Variants in AK2 observed in about 807,000 individuals in gnomAD.
AK2 encodes the protein adenylate kinase 2, mitochondrial.
Under a neutral mutation model 24.6 loss-of-function variants are expected in AK2, and 15 were observed. That is an observed-to-expected ratio of 0.61 (90% CI 0.41 to 0.94). The LOEUF is 0.94. Among genes scored for constraint, AK2 ranks in the 40% least tolerant of loss-of-function variants. The probability of loss-of-function intolerance (pLI) is 0.00; values close to 1 mark genes in which losing one functional copy is unlikely to be tolerated. For missense variants in AK2, 257 were observed against 304.1 expected (o/e 0.85, Z 1.15); for synonymous variants, 102 against 114.0 (o/e 0.90, Z 0.67).
At chr1:33,020,226 C>A (rs1639450511) in intron 4 of AK2, 1 of 964,422 alleles carries the variant, frequency 1.0e-6, no homozygotes, top group Non-Finnish European at 1.5e-6. Context: ...CACACACACA[C>A]ACAAAGTGGC....
chr1:33,011,514 A>G lies in AK2; in HGVS notation c.*1667T>C. 1 of 1,287,502 alleles carries G rather than the reference A, an allele frequency of 7.8e-7. No individual in the cohort carries two copies. Among genetic ancestry groups the G allele is most frequent in the Non-Finnish European group, 1.0e-6 (1 of 988,870 alleles). The allele number at this position is 1,287,502 out of a possible 1,614,324, so 79.8% of individuals were successfully genotyped here. A position where few individuals can be genotyped will look rare whatever the true frequency, so the allele number is the denominator to read the frequency against. ...TGCCCAGTTGCCATGTGGACAGCAG[A>G]TAAGACCTCTGGTAGTCTCACAGAT... On this transcript the variant is annotated 3_prime_UTR_variant, in exon 6 of 6. Transcript: ENST00000672715.
intron 4 of AK2, among the ~76,000 whole-genome samples, chr1:33,018,943 C>A (rs949280002): frequency 5.3e-5 from 8 of 152,142 alleles, no homozygotes; most frequent in African/African-American, 1.9e-4. Context: ...GTCAAGTCTA[C>A]CCTCTTTGGT....
At position 33,024,577 on chromosome 1, in the gene AK2, G is replaced by C; in HGVS notation, c.94-10C>G. On this transcript the variant is annotated splice_polypyrimidine_tract_variant and intron_variant, in intron 1 of 5. Coordinates refer to ENST00000672715, the MANE Select transcript of AK2 (RefSeq NM_001625.4). ...CAGCCAATCTGGGTGCCTACAGAGA[G>C]GAAGACAAAAACCAAGATTCAATTA... 6.2e-7 allele frequency: 1 copy of C among 1,614,152 alleles called. No individual in the cohort carries two copies. Among genetic ancestry groups the C allele is most frequent in the Admixed American group, 1.7e-5 (1 of 60,020 alleles).
chr1:33,019,570 T>C (rs561865741), intron 4 of AK2: 111 of 964,004 alleles, frequency 1.2e-4, no homozygotes, highest in Non-Finnish European at 1.3e-4. Flanking sequence ...GAAAAGAAAA[T>C]GAATATAAGG....
intron 1 of AK2, 141 bp from the exon 2 acceptor site, chr1:33,024,708 A>G (rs1639764885): frequency 1.0e-6 from 1 of 966,770 alleles, no homozygotes; most frequent in Non-Finnish European, 1.6e-6. Flanking sequence ...TAATGGGGAT[A>G]AAAGTACCTT....
At chr1:33,031,016 G>T (rs923164382) in intron 1 of AK2, 7 of 149,620 alleles carry the variant, frequency 4.7e-5, no homozygotes, top group African/African-American at 1.7e-4. Context: ...AGCTTAAGTT[G>T]TTTTTTTTTT....
intron 4 of AK2, among the ~76,000 whole-genome samples, chr1:33,016,444 C>G (rs934597520): frequency 1.3e-5 from 2 of 151,968 alleles, no homozygotes; most frequent in Non-Finnish European, 2.9e-5. Flanking sequence ...ATCTCCTGAC[C>G]TCGTGATCCA....
chr1:33,020,038 T>C (rs1259010962), intron 4 of AK2: 2 of 1,531,930 alleles, frequency 1.3e-6, no homozygotes, highest in Admixed American at 2.0e-5. Context: ...TCTGTCATAC[T>C]TCTGGAAGGC....
chr1:33,028,401 A>G lies in AK2; in HGVS notation c.94-3834T>C, dbSNP rs559404548. On this transcript the variant is annotated intron_variant, in intron 1 of 5. Coordinates refer to ENST00000672715, the MANE Select transcript of AK2 (RefSeq NM_001625.4). The stretch of plus-strand genomic sequence containing the variant: ...TCCCAGTTACTAGGGAGGCAGAGGC[A>G]GAAGAATCGCTTAAAACTGGGAGGC... Among the ~76,000 whole-genome samples, 4 of 152,170 alleles carry G rather than the reference A, an allele frequency of 2.6e-5. No homozygotes were observed. The South Asian group carries it at 8.3e-4, about 32-fold the overall frequency.
intron 1 of AK2, chr1:33,031,432 T>C (rs574241651): frequency 2.2e-5 from 8 of 361,348 alleles, no homozygotes; most frequent in African/African-American, 6.4e-5. Context: ...TTAAATCAGA[T>C]GATACATGTA....
At chr1:33,019,236 G>A (rs1031454868) in intron 4 of AK2, among the ~76,000 whole-genome samples, 3 of 152,160 alleles carry the variant, frequency 2.0e-5, no homozygotes, top group Non-Finnish European at 4.4e-5. Context: ...GACTCTCTGA[G>A]GTCAGAGATG....
Position 33,011,323 on chromosome 1 carries a change from T to G in AK2, c.*1858A>C. 7.8e-7 allele frequency: 1 copy of G among 1,288,800 alleles called. No individual in the cohort carries two copies. Among genetic ancestry groups the G allele is most frequent in the Non-Finnish European group, 1.0e-6 (1 of 989,842 alleles). 79.8% of individuals were successfully genotyped at this position (1,288,800 alleles called of 1,614,324 possible). A position where few individuals can be genotyped will look rare whatever the true frequency, so the allele number is the denominator to read the frequency against. On this transcript the variant is annotated 3_prime_UTR_variant, in exon 6 of 6. Coordinates refer to ENST00000672715, the MANE Select transcript of AK2 (RefSeq NM_001625.4). ...CAGTTTTTGTTTCACTCCTCTTCCT[T>G]GCCCATTCCCAGAAGTCATGTGCTT...
At chr1:33,017,023 T>C (rs1639236117) in intron 4 of AK2, among the ~76,000 whole-genome samples, 1 of 152,176 alleles carries the variant, frequency 6.6e-6, no homozygotes, top group Middle Eastern at 3.2e-3. Flanking sequence ...TAATTTTTTG[T>C]AGAGATGAGG....
intron 4 of AK2, among the ~76,000 whole-genome samples, chr1:33,018,685 T>C: frequency 6.6e-6 from 1 of 152,160 alleles, no homozygotes; most frequent in South Asian, 2.1e-4. Flanking sequence ...GAATGAATCT[T>C]CTCTCTTTCA....
At chr1:33,027,196 G>A (rs547378918) in intron 1 of AK2, among the ~76,000 whole-genome samples, 1 of 152,328 alleles carries the variant, frequency 6.6e-6, no homozygotes, top group Non-Finnish European at 1.5e-5. Flanking sequence ...GAAAAACCAG[G>A]CTGGCACTGT....
chr1:33,008,894 C>G lies in AK2; in HGVS notation c.*4287G>C, dbSNP rs1638634927. 2.2e-6 allele frequency: 1 copy of G among 454,018 alleles called. No individual in the cohort carries two copies. The highest frequency in any genetic ancestry group is 4.4e-6 in the Non-Finnish European group (1 of 226,804). 28.1% of individuals were successfully genotyped at this position (454,018 alleles called of 1,614,324 possible). ...CAAACAATAGCTCACCCAGTCTTCT[C>G]TGTTTATTCTTCTCAACTACACCAT... On this transcript the variant is annotated 3_prime_UTR_variant, in exon 6 of 6. Coordinates refer to ENST00000672715, the MANE Select transcript of AK2 (RefSeq NM_001625.4).
chr1:33,011,680 T>G lies in AK2; in HGVS notation c.*1501A>C. 1 of 1,305,546 alleles carries G rather than the reference T, an allele frequency of 7.7e-7. No homozygotes were observed. Among genetic ancestry groups the G allele is most frequent in the East Asian group, 5.2e-5 (1 of 19,090 alleles). 80.9% of individuals were successfully genotyped at this position (1,305,546 alleles called of 1,614,324 possible). A position where few individuals can be genotyped will look rare whatever the true frequency, so the allele number is the denominator to read the frequency against. On this transcript the variant is annotated 3_prime_UTR_variant, in exon 6 of 6. Transcript: ENST00000672715. ...TGGTTTTTCCAGAGGCTGCCGTTTT[T>G]GTGGTCCTTCATAGCAGTCTGTTAC...
rs1378286925 is a variant in AK2 at position 33,009,079 on chromosome 1, G to A, written c.*4102C>T. 2.2e-6 allele frequency: 1 copy of A among 453,954 alleles called. No individual in the cohort carries two copies. The allele number at this position is 453,954 out of a possible 1,614,324, so 28.1% of individuals were successfully genotyped here. ...CACCTGAAAATGACTCTGCACAGGT[G>A]AGGAAGTGGAGCAGAAGAGGGAGGG... On this transcript the variant is annotated 3_prime_UTR_variant, in exon 6 of 6. Transcript: ENST00000672715.
intron 4 of AK2, among the ~76,000 whole-genome samples, chr1:33,015,748 CTGGG>C (rs1402588099): frequency 6.6e-6 from 1 of 152,016 alleles, no homozygotes; most frequent in African/African-American, 2.4e-5. Context: ...AAAAATTTAG[CTGGG>C]TGGCAGGCAC....
Sources: allele counts gnomAD v4.1 joint callset (sites outside exome capture counted in the v4.1 genomes callset), GRCh38; gene constraint gnomAD v4.1.1; transcripts MANE v1.5; gene names NCBI Gene and HGNC (gene_info 2026-07-23, HGNC 2026-07-21).